The following POLR3G variants were observed in gnomAD, a reference collection of about 807,000 sequenced individuals.
The protein encoded by POLR3G is DNA-directed RNA polymerase III subunit RPC7.
POLR3G carries 28 observed loss-of-function variants against 30.1 expected under a neutral mutation model. That is an observed-to-expected ratio of 0.93 (90% confidence interval 0.69 to 1.27). The LOEUF is 1.27. Ranked by LOEUF, POLR3G falls within the 50% of genes most tolerant of loss-of-function variation. The pLI is 0.00. For synonymous variants in POLR3G, 79 were observed against 82.5 expected, an observed-to-expected ratio of 0.96 and a Z score of 0.23; for missense variants, 254 against 264.6, an observed-to-expected ratio of 0.96 and a Z score of 0.28.
At chr5:90,502,828 T>C (rs1752316182) in intron 6 of POLR3G, among the ~76,000 whole-genome samples, 1 of 150,296 alleles carries the variant, frequency 6.7e-6, no homozygotes, top group Non-Finnish European at 1.5e-5. Flanking sequence ...GGCTGCACTA[T>C]AAAAATGAAC....
At chr5:90,486,618 A>G (rs533075035) in intron 2 of POLR3G, among the ~76,000 whole-genome samples, 90 of 152,196 alleles carry the variant, frequency 5.9e-4, no homozygotes, top group African/African-American at 2.1e-3. Flanking sequence ...CTTTGCATGG[A>G]TGGCTCCCTG....
chr5:90,477,030 T>C (rs1427899302), intron 1 of POLR3G, among the ~76,000 whole-genome samples: 1 of 152,210 alleles, frequency 6.6e-6, no homozygotes, highest in Non-Finnish European at 1.5e-5. Context: ...ATGAGGGTGC[T>C]TAATAAATAC....
At chr5:90,503,445 A>C (rs987164416) in intron 6 of POLR3G, among the ~76,000 whole-genome samples, 2 of 152,234 alleles carry the variant, frequency 1.3e-5, no homozygotes, top group African/African-American at 4.8e-5. Flanking sequence ...AGTTCTAGCC[A>C]GTTTGTATTG....
Position 90,478,569 on chromosome 5 carries a change from C to CTTTTTTTTTTTTTTTTTTTTT in POLR3G, c.-44+3566_-44+3567insTTTTTTTTTTTTTTTTTTTTT, listed in dbSNP as rs773881344. ...AATGGGAGGTTTAATCTGCGTGGTT[C>CTTTTTTTTTTTTTTTTTTTTT]TTTTTTTTTTTTTTTTTGAGAGGGA... On this transcript the variant is annotated intron_variant, in intron 1 of 7. Coordinates refer to ENST00000651687, the MANE Select transcript of POLR3G (RefSeq NM_006467.3). Among the ~76,000 whole-genome samples the CTTTTTTTTTTTTTTTTTTTTT allele has an allele frequency of 2.5e-4, 20 of 79,324 alleles. 5 individuals are homozygous for CTTTTTTTTTTTTTTTTTTTTT. The highest frequency in any genetic ancestry group is 1.0e-3 in the African/African-American group (20 of 19,802). 52.0% of individuals were successfully genotyped at this position (79,324 alleles called of 152,430 possible). A position where few individuals can be genotyped will look rare whatever the true frequency, so the allele number is the denominator to read the frequency against.
chr5:90,510,197 T>C (rs1752671928), intron 7 of POLR3G, among the ~76,000 whole-genome samples: 1 of 152,064 alleles, frequency 6.6e-6, no homozygotes. Context: ...GCTAACACGG[T>C]GAAACCCCGT....
chr5:90,480,880 A>G (rs1751091775), intron 1 of POLR3G, among the ~76,000 whole-genome samples: 1 of 152,112 alleles, frequency 6.6e-6, no homozygotes, highest in Non-Finnish European at 1.5e-5. Flanking sequence ...GATACTTGGG[A>G]GATACGCTTT....
chr5:90,474,437 G>T (rs1054173077), upstream of POLR3G: 3 of 731,034 alleles, frequency 4.1e-6, no homozygotes, highest in Non-Finnish European at 6.8e-6. Flanking sequence ...CGTGGGATGC[G>T]GGGGTCGGAA....
chr5:90,486,386 G>A (rs1418924439), intron 2 of POLR3G, among the ~76,000 whole-genome samples: 1 of 152,164 alleles, frequency 6.6e-6, no homozygotes, highest in African/African-American at 2.4e-5. Context: ...CATGTGTGAG[G>A]AGATTACCTC....
chr5:90,506,052 T>C (rs888456253), intron 6 of POLR3G, among the ~76,000 whole-genome samples: 2 of 151,930 alleles, frequency 1.3e-5, no homozygotes, highest in African/African-American at 4.8e-5. Context: ...ATAGCCAACA[T>C]GGAGAAACCC....
At chr5:90,510,185 TG>T (rs1351445809) in intron 7 of POLR3G, among the ~76,000 whole-genome samples, 1 of 152,162 alleles carries the variant, frequency 6.6e-6, no homozygotes, top group East Asian at 1.9e-4. Context: ...AAGACCATCC[TG>T]GCTAACACGG....
chr5:90,479,336 G>T (rs528953218), intron 1 of POLR3G, among the ~76,000 whole-genome samples: 3 of 152,250 alleles, frequency 2.0e-5, no homozygotes, highest in Admixed American at 2.0e-4. Flanking sequence ...AGCCGGGCTT[G>T]GTGGCAGGCA....
chr5:90,511,875 GT>G (rs1752752880), intron 7 of POLR3G, among the ~76,000 whole-genome samples, 177 bp from the exon 8 acceptor site: 1 of 152,192 alleles, frequency 6.6e-6, no homozygotes, highest in African/African-American at 2.4e-5. Context: ...CTCTTAGCTA[GT>G]TAGTGCCTGA....
At chr5:90,504,378 G>GT (rs1752390919) in intron 6 of POLR3G, among the ~76,000 whole-genome samples, 1 of 151,686 alleles carries the variant, frequency 6.6e-6, no homozygotes, top group Non-Finnish European at 1.5e-5. Flanking sequence ...GGCTAACACA[G>GT]TGAAACCCCA....
intron 5 of POLR3G, among the ~76,000 whole-genome samples, chr5:90,500,719 A>G (rs1212527499): frequency 2.6e-5 from 4 of 152,198 alleles, no homozygotes; most frequent in Non-Finnish European, 5.9e-5. Flanking sequence ...GCAATTCAGT[A>G]TAACACAGTA....
chr5:90,507,915 T>C (rs1752566205), intron 7 of POLR3G, among the ~76,000 whole-genome samples: 1 of 152,204 alleles, frequency 6.6e-6, no homozygotes, highest in Non-Finnish European at 1.5e-5. Flanking sequence ...TTAATTTTCT[T>C]TTCTAAGAAA....
intron 1 of POLR3G, among the ~76,000 whole-genome samples, chr5:90,479,967 A>G (rs1378233532): frequency 6.6e-6 from 1 of 152,226 alleles, no homozygotes; most frequent in Non-Finnish European, 1.5e-5. Context: ...CAAAGTTTGC[A>G]GTTAATCAGA....
intron 1 of POLR3G, among the ~76,000 whole-genome samples, chr5:90,476,982 C>A (rs777521639): frequency 6.6e-6 from 1 of 152,072 alleles, no homozygotes; most frequent in East Asian, 1.9e-4. Flanking sequence ...TTGTTTTGTT[C>A]ACTACTGTAT....
At chr5:90,504,755 TA>T (rs979974613) in intron 6 of POLR3G, among the ~76,000 whole-genome samples, 6 of 152,106 alleles carry the variant, frequency 3.9e-5, no homozygotes, top group Non-Finnish European at 5.9e-5. Context: ...ATTAAAATAG[TA>T]AAAAAATATA....
At chr5:90,480,492 A>T (rs1490119886) in intron 1 of POLR3G, among the ~76,000 whole-genome samples, 1 of 152,240 alleles carries the variant, frequency 6.6e-6, no homozygotes, top group East Asian at 1.9e-4. Flanking sequence ...TCATACACCC[A>T]AAGATTGCTT....
Sources: gnomAD v4.1 joint callset for allele counts (sites outside exome capture counted in the v4.1 genomes callset) on GRCh38, gnomAD v4.1.1 for gene constraint, MANE v1.5 for transcripts, NCBI Gene and HGNC (gene_info 2026-07-23, HGNC 2026-07-21) for gene names.